The following DNAH7 variants were observed in gnomAD, a reference collection of about 807,000 sequenced individuals.
The protein encoded by DNAH7 is dynein axonemal heavy chain 7.
A neutral mutation model predicts 444.6 loss-of-function variants in DNAH7; 397 were observed. The ratio of observed to expected loss-of-function variants is 0.89; its 90% CI spans 0.82 to 0.97. The LOEUF is 0.97. Ranked by LOEUF, DNAH7 falls within the 50% of genes least tolerant of loss-of-function variation. The pLI is 0.00. For missense variants in DNAH7, 4,902 were observed against 4,800.8 expected, an observed-to-expected ratio of 1.02 and a Z score of -0.62; for synonymous variants, 1,636 against 1,624.4, an observed-to-expected ratio of 1.01 and a Z score of -0.17.
chr2:196,065,199 A>C (rs1698362164), intron 1 of DNAH7, among the ~76,000 whole-genome samples: 1 of 152,198 alleles, frequency 6.6e-6, no homozygotes, highest in South Asian at 2.1e-4. Flanking sequence ...TTTTTAGGAC[A>C]ATGATAGAAA....
At chr2:196,030,562 C>T (rs1695987998) in intron 5 of DNAH7, among the ~76,000 whole-genome samples, 1 of 152,212 alleles carries the variant, frequency 6.6e-6, no homozygotes, top group South Asian at 2.1e-4. Flanking sequence ...CAAGTCCCTA[C>T]CGCCTATGAG....
At chr2:196,024,182 T>C (rs958544150) in intron 8 of DNAH7, among the ~76,000 whole-genome samples, 2 of 152,106 alleles carry the variant, frequency 1.3e-5, no homozygotes, top group African/African-American at 4.8e-5. Context: ...ACAGACTTGC[T>C]TGACAAAGAC....
At chr2:195,979,805 C>T (rs1216789108) in intron 15 of DNAH7, among the ~76,000 whole-genome samples, 1 of 151,722 alleles carries the variant, frequency 6.6e-6, no homozygotes, top group Non-Finnish European at 1.5e-5. Context: ...CACAGAAATT[C>T]AGAGGATCAT....
intron 12 of DNAH7, chr2:195,999,207 A>G (rs1056779919): frequency 1.4e-5 from 10 of 717,342 alleles, no homozygotes; most frequent in Non-Finnish European, 2.3e-5. Flanking sequence ...TTTGAATATG[A>G]GAAAAGTAAA....
At chr2:195,778,180 T>TC (rs1256352523) in intron 58 of DNAH7, among the ~76,000 whole-genome samples, 195 bp from the exon 59 acceptor site, 1 of 152,170 alleles carries the variant, frequency 6.6e-6, no homozygotes, top group Admixed American at 6.5e-5. Flanking sequence ...TTTATTTCCA[T>TC]CCAGTCAATG....
rs1688151942 is a variant in DNAH7, at chr2:195,923,609, T to C, written c.3811A>G (p.Arg1271Gly). Residue 1271 changes from arginine (R) to glycine (G), a missense_variant, in exon 23 of 65, where the codon AGG (arginine) becomes GGG (glycine). Physicochemically the swap from Arg to Gly is moderately radical, Grantham distance 125. Coordinates refer to ENST00000312428, the MANE Select transcript of DNAH7 (RefSeq NM_018897.3). ...ATACCACTTACTTGCCAGTAGTACCTAAGCTGACTTAACCATTCAAAGTCA... is the reference window on the plus strand; with the variant it reads ...ATACCACTTACTTGCCAGTAGTACCCAAGCTGACTTAACCATTCAAAGTCA... ...DSDFEWLSQL[R>G]YYWQENHLET... 1.9e-6 allele frequency: 3 copies of C among 1,614,086 alleles called. No individual in the cohort carries two copies. The highest frequency in any genetic ancestry group is 2.5e-6 in the Non-Finnish European group (3 of 1,179,996).
chr2:195,740,350 TCATAG>T (rs1475374827), intron 64 of DNAH7, among the ~76,000 whole-genome samples: 1 of 152,120 alleles, frequency 6.6e-6, no homozygotes, highest in Non-Finnish European at 1.5e-5. Context: ...TCAACGAAGC[TCATAG>T]CATTTTGACC....
At chr2:195,773,584 G>A (rs970287214) in intron 60 of DNAH7, among the ~76,000 whole-genome samples, 18 of 152,036 alleles carry the variant, frequency 1.2e-4, no homozygotes, top group African/African-American at 3.6e-4. Context: ...ATAATTAAGA[G>A]CAATTGGGTC....
At chr2:195,895,310 G>T in intron 29 of DNAH7, 86 bp from the exon 30 acceptor site, 1 of 818,392 alleles carries the variant, frequency 1.2e-6, no homozygotes. Context: ...AGGGCCATTA[G>T]ATAATAATAG....
intron 1 of DNAH7, among the ~76,000 whole-genome samples, chr2:196,059,282 G>A (rs780571289): frequency 6.6e-6 from 1 of 152,158 alleles, no homozygotes; most frequent in Non-Finnish European, 1.5e-5. Context: ...AGAGAAAGGG[G>A]CTAATCTCCT....
At chr2:196,049,104 A>G (rs939231551) in intron 3 of DNAH7, among the ~76,000 whole-genome samples, 7 of 152,300 alleles carry the variant, frequency 4.6e-5, no homozygotes, top group African/African-American at 1.7e-4. Context: ...TTAAAGTAAA[A>G]TCTATATATT....
At chr2:195,953,122 G>T (rs752456599) in intron 19 of DNAH7, among the ~76,000 whole-genome samples, 2 of 152,076 alleles carry the variant, frequency 1.3e-5, no homozygotes, top group Non-Finnish European at 2.9e-5. Flanking sequence ...TTTTTGTGTG[G>T]ATGCCCTTTT....
chr2:195,789,768 T>A (rs551207195), intron 57 of DNAH7, among the ~76,000 whole-genome samples: 4 of 149,928 alleles, frequency 2.7e-5, no homozygotes, highest in Admixed American at 2.7e-4. Flanking sequence ...GAGAAAACAT[T>A]AAAAAAAAAC....
chr2:195,843,969 G>A (rs1056227752), intron 47 of DNAH7, among the ~76,000 whole-genome samples: 1 of 151,976 alleles, frequency 6.6e-6, no homozygotes, highest in South Asian at 2.1e-4. Context: ...GGTGGCAGGT[G>A]CCTGTAGTCC....
intron 12 of DNAH7, 125 bp downstream of exon 12, chr2:196,000,579 C>T (rs1463242323): frequency 4.6e-6 from 4 of 865,384 alleles, no homozygotes; most frequent in Non-Finnish European, 6.5e-6. Context: ...TTTAGGAAAA[C>T]TTTCTTATAA....
chr2:195,860,957 G>T (rs188771237), intron 42 of DNAH7, among the ~76,000 whole-genome samples: 2 of 151,568 alleles, frequency 1.3e-5, no homozygotes, highest in African/African-American at 4.8e-5. Flanking sequence ...ATATGTATAC[G>T]TTTAAAATAC....
chr2:195,888,174 TA>T, intron 33 of DNAH7, 83 bp downstream of exon 33: 1 of 1,164,380 alleles, frequency 8.6e-7, no homozygotes, highest in Non-Finnish European at 1.2e-6. Context: ...TAGCTGATAA[TA>T]AAAACAGACA....
chr2:195,769,745 CTTTGTGGATAGGTTTGCATAG>C (rs984952252), intron 61 of DNAH7, among the ~76,000 whole-genome samples: 1 of 152,040 alleles, frequency 6.6e-6, no homozygotes, highest in African/African-American at 2.4e-5. Flanking sequence ...GTTTTTCAGC[CTTTGTGGATAGGTTTGCATAG>C]ACCTGCTTGC....
At position 195,824,334 on chromosome 2, in the gene DNAH7, A is replaced by G. The variant is rs890184218; in HGVS notation, c.9212T>C (p.Ile3071Thr). The G allele has an allele frequency of 1.2e-6, 2 of 1,613,976 alleles. No individual in the cohort carries two copies. The highest frequency in any genetic ancestry group is 1.7e-6 in the Non-Finnish European group (2 of 1,179,926). Residue 3071 changes from isoleucine to threonine, a missense_variant, in exon 49 of 65, where the codon ATT (isoleucine) becomes ACT (threonine). Transcript: ENST00000312428. ...GAAGCGGAAGTCAGGTGCATATTCA[A>G]TTGTGGAGTCCCCAAGCCGGATACA... ...STCIRLGDST[I>T]EYAPDFRFYI...
Sources: gnomAD v4.1 joint callset for allele counts (sites outside exome capture counted in the v4.1 genomes callset) on GRCh38, gnomAD v4.1.1 for gene constraint, MANE v1.5 for transcripts, NCBI Gene and HGNC (gene_info 2026-07-23, HGNC 2026-07-21) for gene names.